SIDT1: variants seen among roughly 807,000 people sequenced by gnomAD.
SIDT1 encodes SID1 transmembrane family, member 1.
SIDT1 carries 101 observed loss-of-function variants against 107.5 expected under a neutral mutation model. That is an observed-to-expected ratio of 0.94 (90% CI 0.80 to 1.11). The LOEUF (loss-of-function observed/expected upper bound fraction) is 1.11, where lower values mean the gene tolerates loss of function less well. Ranked by LOEUF, SIDT1 falls within the 50% of genes least tolerant of loss-of-function variation. The probability of loss-of-function intolerance (pLI) is 0.00; values close to 1 mark genes in which losing one functional copy is unlikely to be tolerated. For synonymous variants in SIDT1, 395 were observed against 398.2 expected (o/e 0.99, Z 0.10); for missense variants, 1,076 against 1,058.2 (o/e 1.02, Z -0.23).
intron 10 of SIDT1, among the ~76,000 whole-genome samples, chr3:113,600,113 C>A (rs1213828645): frequency 6.6e-6 from 1 of 151,954 alleles, no homozygotes; most frequent in African/African-American, 2.4e-5. Flanking sequence ...AGTTCAAGAC[C>A]AGCCTGGCCA....
Position 113,609,237 on chromosome 3 carries a change from A to AT in SIDT1, c.1720+709dup, listed in dbSNP as rs555377176. On this transcript the variant is annotated intron_variant, in intron 17 of 24. Transcript: ENST00000264852. The stretch of plus-strand genomic sequence containing the variant: ...ACCACCACGCCCAGCTAATTTTTGT[A>AT]TTTTTTTTGGTAGAGATGGGGTTTC... 4.5e-3 allele frequency among the ~76,000 whole-genome samples: 670 copies of AT among 150,396 alleles called. 2 individuals are homozygous for AT. Among genetic ancestry groups the AT allele is most frequent in the Admixed American group, 7.8e-3 (118 of 15,100 alleles).
chr3:113,561,289 A>C (rs2107722535), intron 1 of SIDT1, among the ~76,000 whole-genome samples: 1 of 152,248 alleles, frequency 6.6e-6, no homozygotes, highest in East Asian at 1.9e-4. Flanking sequence ...ATCTTGAAAA[A>C]CTGCCCAATG....
chr3:113,587,976 T>A (rs1331462658), intron 9 of SIDT1, among the ~76,000 whole-genome samples: 1 of 152,188 alleles, frequency 6.6e-6, no homozygotes, highest in East Asian at 1.9e-4. Flanking sequence ...AGTTCCAATA[T>A]CATGGAAAGA....
intron 1 of SIDT1, 100 bp downstream of exon 1, chr3:113,533,343 C>G: frequency 1.1e-6 from 1 of 943,110 alleles, no homozygotes; most frequent in South Asian, 2.8e-5. Context: ...TGGGAGACTT[C>G]GGGGACCAGG....
chr3:113,605,185 C>T (rs185334228), intron 14 of SIDT1, among the ~76,000 whole-genome samples: 6 of 136,368 alleles, frequency 4.4e-5, no homozygotes, highest in Admixed American at 2.5e-4. Flanking sequence ...TGCAATGGCA[C>T]GATGTCGGCT....
chr3:113,535,968 C>A (rs1439744110), intron 1 of SIDT1, among the ~76,000 whole-genome samples: 2 of 152,174 alleles, frequency 1.3e-5, no homozygotes, highest in African/African-American at 4.8e-5. Flanking sequence ...CCCCTTCTTG[C>A]AGGTACACAA....
downstream of SIDT1, among the ~76,000 whole-genome samples, chr3:113,632,144 C>T (rs542917288): frequency 1.3e-5 from 2 of 152,178 alleles, no homozygotes; most frequent in South Asian, 4.1e-4. Flanking sequence ...CATCTCCTGT[C>T]CCGGCATTAT....
At chr3:113,571,006 A>G (rs1942391112) in intron 3 of SIDT1, among the ~76,000 whole-genome samples, 1 of 151,990 alleles carries the variant, frequency 6.6e-6, no homozygotes, top group African/African-American at 2.4e-5. Context: ...TGTACTTCTG[A>G]CTCCCAGTTC....
At chr3:113,611,548 C>G (rs1181810416) in intron 18 of SIDT1, among the ~76,000 whole-genome samples, 1 of 152,210 alleles carries the variant, frequency 6.6e-6, no homozygotes, top group African/African-American at 2.4e-5. Flanking sequence ...GTCTCAAACT[C>G]CTGACCTCAT....
intron 6 of SIDT1, 34 bp downstream of exon 6, chr3:113,581,478 T>C (rs762948430): frequency 2.6e-6 from 4 of 1,511,862 alleles, no homozygotes; most frequent in South Asian, 2.2e-5. Flanking sequence ...TTATTGCCAA[T>C]GGTAATGCTC....
At chr3:113,552,036 A>G (rs903550165) in intron 1 of SIDT1, among the ~76,000 whole-genome samples, 8 of 152,124 alleles carry the variant, frequency 5.3e-5, no homozygotes, top group Non-Finnish European at 4.4e-5. Context: ...GGACTAACCG[A>G]CTGTTTCTGT....
At chr3:113,578,953 G>T (rs952377123) in intron 4 of SIDT1, among the ~76,000 whole-genome samples, 1 of 152,110 alleles carries the variant, frequency 6.6e-6, no homozygotes, top group Non-Finnish European at 1.5e-5. Context: ...TGATATCTAC[G>T]AAAGGTTTAC....
chr3:113,579,922 G>C (rs1380590471), intron 4 of SIDT1, among the ~76,000 whole-genome samples: 1 of 152,126 alleles, frequency 6.6e-6, no homozygotes, highest in Non-Finnish European at 1.5e-5. Flanking sequence ...ATCTACATGG[G>C]TAAATAGTAC....
intron 9 of SIDT1, among the ~76,000 whole-genome samples, chr3:113,590,983 T>C (rs1430869384): frequency 6.6e-6 from 1 of 152,342 alleles, no homozygotes; most frequent in Non-Finnish European, 1.5e-5. Flanking sequence ...GATAAAGTTA[T>C]GAAGATTATC....
At chr3:113,566,380 G>A (rs1941914308) in intron 1 of SIDT1, 40 bp from the exon 2 acceptor site, 2 of 1,599,024 alleles carry the variant, frequency 1.3e-6, no homozygotes, top group Non-Finnish European at 1.7e-6. Context: ...ATGTGTGCAT[G>A]TGCACGTTTT....
At chr3:113,538,068 C>G (rs1938389745) in intron 1 of SIDT1, among the ~76,000 whole-genome samples, 1 of 152,200 alleles carries the variant, frequency 6.6e-6, no homozygotes, top group Admixed American at 6.5e-5. Context: ...CAGGCATGAG[C>G]CACTGTGCCT....
At position 113,603,018 on chromosome 3, in the gene SIDT1, C is replaced by A; in HGVS notation, c.1131C>A (p.Ser377=). ...TCTCTGTTTCAGATGAGTCAAGCTC[C>A]AGTCCTGGAAGGCAGATGTCCTCCT... ...SNYGTIDESS[S]SPGRQMSSSD... is the part of the protein sequence containing the mutation. Residue 377 remains serine, a synonymous_variant, in exon 12 of 25, where the codon TCC becomes TCA. Transcript: ENST00000264852. The A allele has an allele frequency of 6.2e-7, 1 of 1,614,036 alleles. No homozygotes were observed. The highest frequency in any genetic ancestry group is 8.5e-7 in the Non-Finnish European group (1 of 1,179,972).
At chr3:113,621,557 A>G (rs971238976) in intron 21 of SIDT1, among the ~76,000 whole-genome samples, 6 of 152,254 alleles carry the variant, frequency 3.9e-5, no homozygotes, top group Non-Finnish European at 2.9e-5. Flanking sequence ...GATGTACACA[A>G]TCTTTCTGTA....
At chr3:113,625,421 G>A (rs1042953386) in intron 23 of SIDT1, among the ~76,000 whole-genome samples, 3 of 152,124 alleles carry the variant, frequency 2.0e-5, no homozygotes, top group Non-Finnish European at 4.4e-5. Flanking sequence ...TTACAGGTGT[G>A]AGCCACCACA....
Sources: allele counts gnomAD v4.1 joint callset (sites outside exome capture counted in the v4.1 genomes callset), GRCh38; gene constraint gnomAD v4.1.1; transcripts MANE v1.5; gene names NCBI Gene and HGNC (gene_info 2026-07-23, HGNC 2026-07-21).